NKAIN3: variants seen among roughly 807,000 people sequenced by gnomAD.
NKAIN3 encodes the protein sodium/potassium-transporting ATPase subunit beta-1-interacting protein 3.
Under a neutral mutation model 30.2 loss-of-function variants are expected in NKAIN3, and 25 were observed. That is an observed-to-expected ratio of 0.83 (90% confidence interval 0.60 to 1.16). The LOEUF is 1.16. Among genes scored for constraint, NKAIN3 ranks in the 50% most tolerant of loss-of-function variants. The probability of loss-of-function intolerance (pLI) is 0.00; values close to 1 mark genes in which losing one functional copy is unlikely to be tolerated. For missense variants in NKAIN3, 225 were observed against 254.1 expected, an observed-to-expected ratio of 0.89 and a Z score of 0.78; for synonymous variants, 91 against 89.6, an observed-to-expected ratio of 1.02 and a Z score of -0.09.
chr8:62,386,150 T>C (rs913450199), intron 1 of NKAIN3, among the ~76,000 whole-genome samples: 12 of 152,302 alleles, frequency 7.9e-5, no homozygotes, highest in East Asian at 1.9e-4. Flanking sequence ...AGAGAGTCAC[T>C]TGGACAACCC....
chr8:62,962,087 C>T (rs180746224), intron 6 of NKAIN3, among the ~76,000 whole-genome samples: 1 of 152,288 alleles, frequency 6.6e-6, no homozygotes, highest in Admixed American at 6.5e-5. Context: ...CACACATGCA[C>T]ATACATGTTT....
intron 3 of NKAIN3, among the ~76,000 whole-genome samples, chr8:62,745,831 T>A (rs1816051095): frequency 6.6e-6 from 1 of 152,098 alleles, no homozygotes; most frequent in African/African-American, 2.4e-5. Flanking sequence ...GATCAGGGCT[T>A]TGGAGGGGGA....
chr8:62,420,538 C>T (rs1804603393), intron 1 of NKAIN3, among the ~76,000 whole-genome samples: 1 of 152,008 alleles, frequency 6.6e-6, no homozygotes. Context: ...AGCATATCAA[C>T]AAAACATAAG....
At chr8:62,488,453 C>T (rs191946683) in intron 1 of NKAIN3, among the ~76,000 whole-genome samples, 9 of 152,320 alleles carry the variant, frequency 5.9e-5, no homozygotes, top group African/African-American at 2.2e-4. Flanking sequence ...CCCTAATAGG[C>T]AGCAAGCTCT....
rs186690482 is a variant in NKAIN3, at chr8:62,869,992, G to A, written c.472-48461G>A. 8.5e-3 allele frequency among the ~76,000 whole-genome samples: 1,288 copies of A among 151,382 alleles called. 24 individuals are homozygous for A. The highest frequency in any genetic ancestry group is 0.03 in the African/African-American group (1,237 of 41,274). On this transcript the variant is annotated intron_variant, in intron 4 of 6. Transcript: ENST00000623646. ...TCGCCGTGTTAGCCAAGATGGTCTC[G>A]ATCTCCTGACCTCGTGATCCACCCG...
At chr8:62,531,286 A>C (rs1390975186) in intron 1 of NKAIN3, among the ~76,000 whole-genome samples, 1 of 152,130 alleles carries the variant, frequency 6.6e-6, no homozygotes, top group African/African-American at 2.4e-5. Flanking sequence ...TAAGAGTCTC[A>C]TGTTCTTTCC....
intron 4 of NKAIN3, among the ~76,000 whole-genome samples, chr8:62,804,094 C>T (rs942496091): frequency 1.6e-4 from 25 of 152,162 alleles, no homozygotes; most frequent in African/African-American, 5.6e-4. Context: ...AGACCAATAA[C>T]AGGCTCTGAA....
At chr8:62,387,218 A>G (rs1188392921) in intron 1 of NKAIN3, among the ~76,000 whole-genome samples, 1 of 152,154 alleles carries the variant, frequency 6.6e-6, no homozygotes. Flanking sequence ...GTTTAATGAA[A>G]TGAATCTTGC....
chr8:62,801,722 C>T (rs910021894), intron 4 of NKAIN3, among the ~76,000 whole-genome samples: 7 of 152,206 alleles, frequency 4.6e-5, no homozygotes, highest in African/African-American at 9.7e-5. Context: ...CTCTCCTCCT[C>T]CAAAGGAACG....
At chr8:62,589,324 A>G (rs1444942956) in intron 2 of NKAIN3, among the ~76,000 whole-genome samples, 1 of 151,748 alleles carries the variant, frequency 6.6e-6, no homozygotes, top group Non-Finnish European at 1.5e-5. Context: ...GTTTCCATAA[A>G]TATTCCTTAA....
At chr8:62,914,487 C>T (rs868819950) in intron 4 of NKAIN3, among the ~76,000 whole-genome samples, 1 of 150,728 alleles carries the variant, frequency 6.6e-6, no homozygotes, top group South Asian at 2.2e-4. Context: ...TACCCCCAAA[C>T]CTAAAATAAA....
Position 62,524,935 on chromosome 8 carries a change from T to A in NKAIN3, c.55-54604T>A, listed in dbSNP as rs186728727. On this transcript the variant is annotated intron_variant, in intron 1 of 6. Coordinates refer to ENST00000623646, the MANE Select transcript of NKAIN3 (RefSeq NM_001304533.3). ...ATATTAAAGATGTATTAATTGCACA[T>A]CAAGATTGATTTTGCTGCAGGGTCC... 1.8e-4 allele frequency among the ~76,000 whole-genome samples: 27 copies of A among 152,260 alleles called. No individual in the cohort carries two copies. The East Asian group carries it at 4.3e-3, about 24-fold the overall frequency.
chr8:62,577,053 G>A (rs2167498), intron 1 of NKAIN3, among the ~76,000 whole-genome samples: 1 of 151,822 alleles, frequency 6.6e-6, no homozygotes, highest in African/African-American at 2.4e-5. Context: ...ATTTTTGAAG[G>A]CTTGTTGTTT....
At chr8:62,595,569 C>A (rs1299034354) in intron 3 of NKAIN3, among the ~76,000 whole-genome samples, 1 of 151,850 alleles carries the variant, frequency 6.6e-6, no homozygotes, top group African/African-American at 2.4e-5. Context: ...TATTTCTTTA[C>A]CTCCTGTTTT....
chr8:62,608,932 G>T (rs1474917555), intron 3 of NKAIN3, among the ~76,000 whole-genome samples: 1 of 152,090 alleles, frequency 6.6e-6, no homozygotes, highest in Non-Finnish European at 1.5e-5. Context: ...GGTTTTCTGT[G>T]TTTGAGTGTT....
At chr8:62,768,866 C>A (rs1259752717) in intron 4 of NKAIN3, among the ~76,000 whole-genome samples, 1 of 152,130 alleles carries the variant, frequency 6.6e-6, no homozygotes, top group Non-Finnish European at 1.5e-5. Context: ...AGTTTTAGAT[C>A]TTGATGCCTA....
At chr8:62,339,054 A>G (rs997065906) in intron 1 of NKAIN3, among the ~76,000 whole-genome samples, 2 of 152,008 alleles carry the variant, frequency 1.3e-5, no homozygotes, top group Non-Finnish European at 2.9e-5. Context: ...AGTTGGCATT[A>G]AGAAGAATCT....
intron 2 of NKAIN3, among the ~76,000 whole-genome samples, chr8:62,588,571 CT>C (rs1401048663): frequency 6.6e-6 from 1 of 151,578 alleles, no homozygotes; most frequent in African/African-American, 2.4e-5. Flanking sequence ...TAGTTAAAAG[CT>C]TCTGATAAAG....
Position 62,338,015 on chromosome 8 carries a change from G to A in NKAIN3, c.54+88888G>A, listed in dbSNP as rs112244397. On this transcript the variant is annotated intron_variant, in intron 1 of 6. Transcript: ENST00000623646. ...AAACTTTTCACAAATTTCTTTCTCA[G>A]TGGCTTCTTTGATAGAATATATGTC... Among the ~76,000 whole-genome samples, 1,050 of 152,126 alleles carry A rather than the reference G, an allele frequency of 6.9e-3. 8 individuals carry two copies. The highest frequency in any genetic ancestry group is 0.023 in the African/African-American group (945 of 41,534).
Sources: gnomAD v4.1 joint callset for allele counts (sites outside exome capture counted in the v4.1 genomes callset) on GRCh38, gnomAD v4.1.1 for gene constraint, MANE v1.5 for transcripts, NCBI Gene and HGNC (gene_info 2026-07-23, HGNC 2026-07-21) for gene names.